The following ZRANB3 variants were observed in gnomAD, a reference collection of about 807,000 sequenced individuals.
The protein encoded by ZRANB3 is zinc finger RANBP2-type containing 3.
In ZRANB3, 125 loss-of-function variants were observed where a neutral mutation model predicts 133.8. That is an observed-to-expected ratio of 0.93 (90% CI 0.81 to 1.08). The LOEUF (loss-of-function observed/expected upper bound fraction) is 1.08. Among genes scored for constraint, ZRANB3 ranks in the 50% least tolerant of loss-of-function variants. ZRANB3 has a pLI of 0.00. For missense variants in ZRANB3, 1,229 were observed against 1,275.5 expected (o/e 0.96, Z 0.56); for synonymous variants, 387 against 432.7 (o/e 0.89, Z 1.31).
chr2:135,382,733 CG>C (rs1446895120), intron 3 of ZRANB3, among the ~76,000 whole-genome samples: 1 of 152,050 alleles, frequency 6.6e-6, no homozygotes, highest in Non-Finnish European at 1.5e-5. Context: ...TCATATGCAG[CG>C]AAACTAAGCT....
intron 2 of ZRANB3, among the ~76,000 whole-genome samples, chr2:135,394,856 G>A (rs1403341447): frequency 6.7e-6 from 1 of 149,212 alleles, no homozygotes; most frequent in East Asian, 2.0e-4. Context: ...AGTGGCTTAT[G>A]TCCATAATCC....
chr2:135,217,592 G>C lies in ZRANB3; in HGVS notation c.2368C>G (p.Arg790Gly). Residue 790 changes from arginine (R) to glycine (G), a missense_variant, in exon 17 of 21, where the codon CGA becomes GGA. By Grantham distance (125) the Arg-to-Gly change is moderately radical. Coordinates refer to ENST00000264159, the MANE Select transcript of ZRANB3 (RefSeq NM_032143.4). Reference protein sequence around the residue: ...QYRSLILRFVREWSSLTAMKQ... With the variant: ...QYRSLILRFVGEWSSLTAMKQ... ...ATGGCAGTTAGACTACTCCATTCTCGAACAAATCTCAAAATCTGGCAGAAA... is the reference window on the plus strand; with the variant it reads ...ATGGCAGTTAGACTACTCCATTCTCCAACAAATCTCAAAATCTGGCAGAAA... 3 of 1,610,788 alleles carry C rather than the reference G, an allele frequency of 1.9e-6. No homozygotes were observed. Among genetic ancestry groups the C allele is most frequent in the Middle Eastern group, 1.7e-4 (1 of 6,054 alleles).
chr2:135,492,768 G>A (rs766902933), intron 2 of ZRANB3, among the ~76,000 whole-genome samples: 1 of 152,028 alleles, frequency 6.6e-6, no homozygotes, highest in Non-Finnish European at 1.5e-5. Flanking sequence ...GAAGAACCAT[G>A]CAGAGCAACA....
At chr2:135,348,163 G>A (rs1685031824) in intron 5 of ZRANB3, among the ~76,000 whole-genome samples, 1 of 151,872 alleles carries the variant, frequency 6.6e-6, no homozygotes, top group African/African-American at 2.4e-5. Context: ...GGAGGCTGAG[G>A]CAGAAGAATT....
chr2:135,507,529 G>A (rs1371640655), intron 1 of ZRANB3, among the ~76,000 whole-genome samples: 1 of 152,144 alleles, frequency 6.6e-6, no homozygotes, highest in Non-Finnish European at 1.5e-5. Flanking sequence ...AGAAGTAACA[G>A]GAGTTTCAGA....
intron 15 of ZRANB3, among the ~76,000 whole-genome samples, chr2:135,222,639 G>C (rs1419634320): frequency 6.6e-6 from 1 of 151,832 alleles, no homozygotes; most frequent in Non-Finnish European, 1.5e-5. Flanking sequence ...GATGGATATG[G>C]GAATCCCACT....
intron 16 of ZRANB3, among the ~76,000 whole-genome samples, chr2:135,218,692 G>C (rs932273176): frequency 1.3e-5 from 2 of 152,102 alleles, no homozygotes; most frequent in African/African-American, 4.8e-5. Flanking sequence ...AATGAATCAA[G>C]AATCACCCAA....
chr2:135,244,526 T>C (rs1174573738), intron 12 of ZRANB3, among the ~76,000 whole-genome samples: 1 of 152,112 alleles, frequency 6.6e-6, no homozygotes, highest in African/African-American at 2.4e-5. Context: ...GAGAATCACT[T>C]GAACCCAGGA....
At chr2:135,278,525 C>T (rs1251125246) in intron 8 of ZRANB3, among the ~76,000 whole-genome samples, 1 of 152,092 alleles carries the variant, frequency 6.6e-6, no homozygotes, top group African/African-American at 2.4e-5. Context: ...GATGAGAGCT[C>T]TGCAGCAGGC....
At chr2:135,403,713 G>C (rs1450297177) in intron 2 of ZRANB3, among the ~76,000 whole-genome samples, 2 of 152,142 alleles carry the variant, frequency 1.3e-5, no homozygotes, top group Non-Finnish European at 2.9e-5. Flanking sequence ...AGTAGGGGCA[G>C]ACTGACACCT....
At position 135,530,146 on chromosome 2, in the gene ZRANB3, GA is replaced by G. The variant is rs1167028785; in HGVS notation, c.-8+980del. ...GGAGGCTGAGACAGGAGAATGGCGTGAATCAGTGAGCCAAGATCCCACCACT... is the reference window on the plus strand; with the variant it reads ...GGAGGCTGAGACAGGAGAATGGCGTGATCAGTGAGCCAAGATCCCACCACT... On this transcript the variant is annotated intron_variant, in intron 1 of 20. Coordinates refer to ENST00000264159, the MANE Select transcript of ZRANB3 (RefSeq NM_032143.4). Among the ~76,000 whole-genome samples, 3 of 149,428 alleles carry G rather than the reference GA, an allele frequency of 2.0e-5. No individual in the cohort carries two copies. In the East Asian group the frequency reaches 5.9e-4, roughly 30 times the overall value.
At chr2:135,492,939 CAT>C (rs1309289457) in intron 2 of ZRANB3, among the ~76,000 whole-genome samples, 1 of 151,152 alleles carries the variant, frequency 6.6e-6, no homozygotes. Flanking sequence ...TAGATTTAGA[CAT>C]ATGTGGTCAA....
chr2:135,376,703 A>G (rs1471308196), intron 3 of ZRANB3, among the ~76,000 whole-genome samples: 2 of 152,218 alleles, frequency 1.3e-5, no homozygotes, highest in African/African-American at 4.8e-5. Context: ...AATTGAATAA[A>G]TGAGGCACAA....
chr2:135,503,966 T>TA (rs202131013), intron 2 of ZRANB3, among the ~76,000 whole-genome samples: 18 of 147,142 alleles, frequency 1.2e-4, no homozygotes, highest in African/African-American at 2.5e-4. Context: ...CAGAGTCTAT[T>TA]AAAAAAAAAA....
intron 8 of ZRANB3, among the ~76,000 whole-genome samples, chr2:135,303,192 T>C (rs1682522675): frequency 6.6e-6 from 1 of 152,202 alleles, no homozygotes. Flanking sequence ...TTTTTCATAC[T>C]ACGTATATAT....
intron 3 of ZRANB3, among the ~76,000 whole-genome samples, chr2:135,376,880 A>C (rs1465692650): frequency 2.0e-5 from 3 of 152,240 alleles, no homozygotes; most frequent in Non-Finnish European, 4.4e-5. Context: ...AGGATGGAAA[A>C]CAAAATGTGA....
chr2:135,332,290 T>C (rs1406746974), intron 6 of ZRANB3, among the ~76,000 whole-genome samples: 1 of 152,144 alleles, frequency 6.6e-6, no homozygotes, highest in Non-Finnish European at 1.5e-5. Flanking sequence ...AGTTTTGCTC[T>C]CTGAGGCCAC....
intron 8 of ZRANB3, among the ~76,000 whole-genome samples, chr2:135,313,133 A>T (rs758240751): frequency 6.6e-6 from 1 of 151,948 alleles, no homozygotes; most frequent in Non-Finnish European, 1.5e-5. Flanking sequence ...GGAAAAGATA[A>T]ATATATGGTT....
chr2:135,264,848 A>C (rs1214227781), intron 12 of ZRANB3, among the ~76,000 whole-genome samples: 3 of 151,902 alleles, frequency 2.0e-5, no homozygotes, highest in African/African-American at 7.3e-5. Flanking sequence ...CAGGTGGTTC[A>C]AGCGATTCTT....
Sources: gnomAD v4.1 joint callset for allele counts (sites outside exome capture counted in the v4.1 genomes callset) on GRCh38, gnomAD v4.1.1 for gene constraint, MANE v1.5 for transcripts, NCBI Gene and HGNC (gene_info 2026-07-23, HGNC 2026-07-21) for gene names.